FGF13: variants seen among roughly 807,000 people sequenced by gnomAD.
FGF13 encodes fibroblast growth factor homologous factor 2.
In FGF13, 2 loss-of-function variants were observed where a neutral mutation model predicts 19.5. That is an observed-to-expected ratio of 0.10 (90% confidence interval 0.04 to 0.32). FGF13 has a LOEUF of 0.32. FGF13 is among the 10% of genes least tolerant of loss of function. The probability of loss-of-function intolerance (pLI) is 1.00; values close to 1 mark genes in which losing one functional copy is unlikely to be tolerated. For synonymous variants in FGF13, 72 were observed against 76.9 expected, an observed-to-expected ratio of 0.94 and a Z score of 0.33; for missense variants, 113 against 192.7, an observed-to-expected ratio of 0.59 and a Z score of 2.45.
intron 1 of FGF13, among the ~76,000 whole-genome samples, chrX:138,995,062 G>A (rs909130589): frequency 1.8e-5 from 2 of 108,659 alleles, no homozygotes; most frequent in Non-Finnish European, 3.8e-5. Flanking sequence ...CACTGAAAGA[G>A]GCAATGAAGA....
upstream of FGF13, among the ~76,000 whole-genome samples, chrX:138,714,991 T>C (rs769526922): frequency 1.8e-5 from 2 of 111,993 alleles, no homozygotes; most frequent in East Asian, 5.6e-4. Context: ...CAGTTCACAT[T>C]GTGGCCTTGC....
chrX:138,879,462 G>T (rs1370433902), intron 1 of FGF13, among the ~76,000 whole-genome samples: 2 of 111,702 alleles, frequency 1.8e-5, no homozygotes, highest in Non-Finnish European at 3.8e-5. Flanking sequence ...TTACCCTTAT[G>T]TTTTCTAAGA....
At chrX:139,053,926 T>C (rs1003639275) in intron 1 of FGF13, among the ~76,000 whole-genome samples, 8 of 110,679 alleles carry the variant, frequency 7.2e-5, no homozygotes, top group African/African-American at 2.6e-4. Context: ...TGAGTTGATT[T>C]TTGTATAAGG....
At chrX:139,145,734 C>T (rs1245715790) in intron 1 of FGF13, among the ~76,000 whole-genome samples, 2 of 110,993 alleles carry the variant, frequency 1.8e-5, no homozygotes, top group African/African-American at 6.6e-5. Context: ...AAATCTACCT[C>T]AAATGTCATC....
At chrX:139,157,693 C>T (rs2083989080) in intron 1 of FGF13, among the ~76,000 whole-genome samples, 1 of 112,706 alleles carries the variant, frequency 8.9e-6, no homozygotes, top group African/African-American at 3.2e-5. Context: ...CAATAGAAAA[C>T]AAAGAAAGAA....
chrX:138,704,704 T>C (rs1039802291), intron 2 of FGF13, among the ~76,000 whole-genome samples: 2 of 112,416 alleles, frequency 1.8e-5, no homozygotes, highest in Non-Finnish European at 3.8e-5. Flanking sequence ...GGACATATTG[T>C]ACGGTTCAAA....
chrX:138,782,370 A>C (rs925590901), intron 3 of FGF13, among the ~76,000 whole-genome samples: 4 of 111,639 alleles, frequency 3.6e-5, no homozygotes, highest in African/African-American at 1.3e-4. Context: ...AGGAAGTCAA[A>C]TTGTCCCTGT....
At chrX:139,078,788 A>C (rs554752640) in intron 1 of FGF13, among the ~76,000 whole-genome samples, 3 of 112,704 alleles carry the variant, frequency 2.7e-5, no homozygotes, top group African/African-American at 9.7e-5. Context: ...TTGGAAGCTG[A>C]TCCGATTTAC....
intron 3 of FGF13, among the ~76,000 whole-genome samples, chrX:138,790,483 G>C (rs5974777): frequency 0.055 from 6,125 of 110,493 alleles, 396 homozygotes; most frequent in African/African-American, 0.17. Flanking sequence ...TGCCTCCACA[G>C]TCTTTTTCCT....
At chrX:138,840,668 G>A (rs1035358242) in intron 3 of FGF13, among the ~76,000 whole-genome samples, 1 of 111,555 alleles carries the variant, frequency 9.0e-6, no homozygotes, top group African/African-American at 3.3e-5. Context: ...ATGAATGCCA[G>A]GGAAGCCCCA....
chrX:138,852,489 A>C (rs965305162), intron 3 of FGF13, among the ~76,000 whole-genome samples: 4 of 111,985 alleles, frequency 3.6e-5, no homozygotes, highest in African/African-American at 1.3e-4. Flanking sequence ...TGCTGGGTGA[A>C]CTGGCTAGCC....
chrX:138,967,336 G>A (rs768400216), intron 1 of FGF13, among the ~76,000 whole-genome samples: 9 of 111,147 alleles, frequency 8.1e-5, no homozygotes, highest in Non-Finnish European at 1.5e-4. Context: ...TACCCTTTGC[G>A]GTTCTTCCTG....
intron 1 of FGF13, among the ~76,000 whole-genome samples, chrX:138,891,999 CAT>C (rs751810416): frequency 7.5e-5 from 3 of 39,952 alleles, no homozygotes; most frequent in South Asian, 3.4e-3. Flanking sequence ...TCTATATATA[CAT>C]ATGTGTGTGT....
rs868575791 is a variant in FGF13, at chrX:138,732,759, A to T, written c.28+6483T>A. On this transcript the variant is annotated intron_variant, in intron 1 of 4. Coordinates refer to the FGF13 transcript ENST00000305414. ...TAAATTACACTTAAATTGAAAAAAA[A>T]ACTTTAAAAGCAATACACAACTGCT... Among the ~76,000 whole-genome samples the T allele has an allele frequency of 7.2e-5, 8 of 111,314 alleles. 1 individual carries two copies. The South Asian group carries it at 2.3e-3, about 31-fold the overall frequency.
At chrX:138,807,588 T>C (rs1444749601) in intron 3 of FGF13, among the ~76,000 whole-genome samples, 2 of 111,566 alleles carry the variant, frequency 1.8e-5, no homozygotes, top group African/African-American at 6.5e-5. Flanking sequence ...AATTCACACA[T>C]AACAATATTA....
chrX:139,003,096 G>T (rs140459722), intron 1 of FGF13, among the ~76,000 whole-genome samples: 1,408 of 112,017 alleles, frequency 0.013, 28 homozygotes, highest in African/African-American at 0.043. Flanking sequence ...TGAAGCCGCG[G>T]ACCCTCGCGG....
intron 1 of FGF13, among the ~76,000 whole-genome samples, chrX:139,130,740 G>C (rs2083754250): frequency 9.0e-6 from 1 of 111,083 alleles, no homozygotes. Flanking sequence ...ATTTTCATAG[G>C]GACTTTCTCT....
Position 139,127,091 on chromosome X carries a change from G to A in FGF13, c.-113+76325C>T, listed in dbSNP as rs574492123. 6.3e-5 allele frequency among the ~76,000 whole-genome samples: 7 copies of A among 111,348 alleles called. No individual in the cohort carries two copies. The South Asian group carries it at 2.3e-3, about 36-fold the overall frequency. On this transcript the variant is annotated intron_variant, in intron 1 of 2. Coordinates refer to the FGF13 transcript ENST00000421460. ...TACTAGGAATGGAGGGTGCAGTGCCGCAGAAAAAAAGCACCATACCCAGGT... is the reference window on the plus strand; with the variant it reads ...TACTAGGAATGGAGGGTGCAGTGCCACAGAAAAAAAGCACCATACCCAGGT...
intron 1 of FGF13, among the ~76,000 whole-genome samples, chrX:139,005,112 G>A (rs2092094799): frequency 9.4e-6 from 1 of 105,873 alleles, no homozygotes; most frequent in Non-Finnish European, 1.9e-5. Flanking sequence ...TGGGCCTTCA[G>A]CAAGATCCAG....
Sources: gnomAD v4.1 joint callset for allele counts (sites outside exome capture counted in the v4.1 genomes callset) on GRCh38, gnomAD v4.1.1 for gene constraint, MANE v1.5 for transcripts, NCBI Gene and HGNC (gene_info 2026-07-23, HGNC 2026-07-21) for gene names.